CYRIB: variants seen among roughly 807,000 people sequenced by gnomAD.
The protein encoded by CYRIB is CYFIP related Rac1 interactor B, also known as CYFIP-related Rac1 interactor B.
In CYRIB, 8 loss-of-function variants were observed where a neutral mutation model predicts 44.2. The ratio of observed to expected loss-of-function variants is 0.18; its 90% CI spans 0.11 to 0.33. The LOEUF (loss-of-function observed/expected upper bound fraction) is 0.33, where lower values mean the gene tolerates loss of function less well. Ranked by LOEUF, CYRIB falls within the 10% of genes least tolerant of loss-of-function variation. The probability of loss-of-function intolerance (pLI) is 1.00; values close to 1 mark genes in which losing one functional copy is unlikely to be tolerated. For synonymous variants in CYRIB, 131 were observed against 127.2 expected, an observed-to-expected ratio of 1.03 and a Z score of -0.20; for missense variants, 185 against 382.8, an observed-to-expected ratio of 0.48 and a Z score of 4.31.
At chr8:129,977,586 C>G (rs976586131) in intron 1 of CYRIB, among the ~76,000 whole-genome samples, 4 of 151,672 alleles carry the variant, frequency 2.6e-5, no homozygotes, top group African/African-American at 9.7e-5. Context: ...GGCTGGAGTG[C>G]AGTGGAGCGA....
At chr8:129,933,598 G>C (rs1041475189) in intron 1 of CYRIB, among the ~76,000 whole-genome samples, 1 of 152,090 alleles carries the variant, frequency 6.6e-6, no homozygotes, top group Admixed American at 6.5e-5. Context: ...CTGATAAGCC[G>C]GGTGCGGTGG....
chr8:129,892,555 C>T (rs2065906411), intron 2 of CYRIB, among the ~76,000 whole-genome samples: 2 of 151,816 alleles, frequency 1.3e-5, no homozygotes, highest in East Asian at 3.9e-4. Context: ...AAATATATGC[C>T]AATAGTTTCA....
At chr8:129,867,910 C>T (rs1289177065) in intron 4 of CYRIB, among the ~76,000 whole-genome samples, 1 of 152,134 alleles carries the variant, frequency 6.6e-6, no homozygotes, top group Non-Finnish European at 1.5e-5. Context: ...AAACTGACCT[C>T]CAAAAAGACT....
At chr8:129,921,664 C>T (rs2083671308) in intron 1 of CYRIB, among the ~76,000 whole-genome samples, 1 of 152,140 alleles carries the variant, frequency 6.6e-6, no homozygotes, top group Non-Finnish European at 1.5e-5. Context: ...TTTAGTATCA[C>T]CAAAAATGTG....
chr8:129,976,168 G>GT (rs879369942), intron 1 of CYRIB, among the ~76,000 whole-genome samples: 1,613 of 150,058 alleles, frequency 0.011, 15 homozygotes, highest in Middle Eastern at 0.024. Context: ...TTTATCACTT[G>GT]TTTTTTTTTC....
chr8:130,003,925 A>G (rs980437052), intron 1 of CYRIB, among the ~76,000 whole-genome samples: 4 of 152,244 alleles, frequency 2.6e-5, no homozygotes, highest in Admixed American at 1.3e-4. Flanking sequence ...GGGGCCTTCA[A>G]CTGCAGATTT....
chr8:129,868,128 C>T (rs922485894), intron 4 of CYRIB, among the ~76,000 whole-genome samples: 1 of 152,120 alleles, frequency 6.6e-6, no homozygotes, highest in Non-Finnish European at 1.5e-5. Context: ...ACTCTTGTAA[C>T]ACATCAGTTA....
intron 1 of CYRIB, among the ~76,000 whole-genome samples, chr8:129,979,762 A>C (rs2096128960): frequency 6.7e-6 from 1 of 149,064 alleles, no homozygotes; most frequent in South Asian, 2.1e-4. Context: ...CTAATAATAC[A>C]AAAAAAAAAT....
intron 1 of CYRIB, among the ~76,000 whole-genome samples, chr8:130,006,640 GTATATATATACATATATATA>G (rs2097101115): frequency 2.4e-5 from 1 of 41,656 alleles, no homozygotes; most frequent in African/African-American, 5.2e-5. Context: ...ATATATATGT[GTATATATATACATATATATA>G]TGTATATATA....
chr8:129,891,140 G>T (rs1420712421), intron 2 of CYRIB, among the ~76,000 whole-genome samples: 1 of 152,072 alleles, frequency 6.6e-6, no homozygotes, highest in Non-Finnish European at 1.5e-5. Context: ...AGGCCTATGG[G>T]GTTCTTCCTT....
chr8:129,963,600 C>G (rs2095359739), intron 2 of CYRIB, among the ~76,000 whole-genome samples: 1 of 152,230 alleles, frequency 6.6e-6, no homozygotes, highest in Non-Finnish European at 1.5e-5. Context: ...TCTATTCAGG[C>G]AGTGAAGATG....
intron 2 of CYRIB, among the ~76,000 whole-genome samples, chr8:129,891,579 G>C (rs2065437253): frequency 6.6e-6 from 1 of 152,110 alleles, no homozygotes; most frequent in Non-Finnish European, 1.5e-5. Flanking sequence ...TGAAGCCCTA[G>C]CAAATGTTAA....
rs564809781 is a variant in CYRIB at position 129,886,801 on chromosome 8, C to T, written c.-10-7330G>A. ...CATTAGCTTAAAGGGCAGCACGTCT[C>T]ACCTCCCCCACTGCCACACCTCCCT... On this transcript the variant is annotated intron_variant, in intron 2 of 11. Coordinates refer to ENST00000519824, the Ensembl canonical transcript of CYRIB. 2.0e-5 allele frequency among the ~76,000 whole-genome samples: 3 copies of T among 152,232 alleles called. No individual in the cohort carries two copies. In the South Asian group the frequency reaches 6.2e-4, roughly 32 times the overall value.
upstream of CYRIB, among the ~76,000 whole-genome samples, chr8:129,944,307 C>T (rs186637296): frequency 4.3e-4 from 66 of 152,136 alleles, no homozygotes; most frequent in Admixed American, 1.9e-3. Flanking sequence ...GAACAGGCAC[C>T]GGAATTAAGA....
intron 2 of CYRIB, among the ~76,000 whole-genome samples, chr8:129,898,902 G>A (rs837079): frequency 0.41 from 61,276 of 151,042 alleles, 13,486 homozygotes; most frequent in East Asian, 0.55. Flanking sequence ...TCACTCTGTC[G>A]CCCAGGCTGG....
exon 12 of CYRIB, chr8:129,839,606 A>C (rs1274485428): frequency 6.6e-5 from 10 of 152,224 alleles, no homozygotes; most frequent in Admixed American, 3.9e-4. Flanking sequence ...GGTTCCAATA[A>C]AATTTTATTT....
chr8:129,967,421 C>T (rs1368790864), intron 2 of CYRIB, among the ~76,000 whole-genome samples: 3 of 151,184 alleles, frequency 2.0e-5, no homozygotes, highest in Non-Finnish European at 4.4e-5. Context: ...GCTCTGTCGC[C>T]CAGGCTGGAG....
chr8:129,939,197 G>A (rs1316826942), intron 1 of CYRIB, among the ~76,000 whole-genome samples: 1 of 149,940 alleles, frequency 6.7e-6, no homozygotes, highest in Non-Finnish European at 1.5e-5. Flanking sequence ...GGGATGAGGA[G>A]AAAAAGCGGC....
chr8:129,848,170 C>A (rs1394105170), intron 10 of CYRIB, among the ~76,000 whole-genome samples: 2 of 152,140 alleles, frequency 1.3e-5, no homozygotes, highest in South Asian at 4.1e-4. Context: ...GGAGATGACA[C>A]CTAAAAGAGT....
Sources: gnomAD v4.1 joint callset for allele counts (sites outside exome capture counted in the v4.1 genomes callset) on GRCh38, gnomAD v4.1.1 for gene constraint, MANE v1.5 for transcripts, NCBI Gene and HGNC (gene_info 2026-07-23, HGNC 2026-07-21) for gene names.